The following MBP variants were observed in gnomAD, a reference collection of about 807,000 sequenced individuals.
The protein encoded by MBP is Golli-MBP.
In MBP, 16 loss-of-function variants were observed where a neutral mutation model predicts 35.8. The observed-to-expected ratio is 0.45, with a 90% CI of 0.30 to 0.68. The LOEUF is 0.68. Ranked by LOEUF, MBP falls within the 30% of genes least tolerant of loss-of-function variation. The pLI is 0.08. For missense variants in MBP, 380 were observed against 404.7 expected (o/e 0.94, Z 0.52); for synonymous variants, 143 against 159.6 (o/e 0.90, Z 0.78).
At chr18:77,008,365 C>T (rs1485629592) in intron 4 of MBP, among the ~76,000 whole-genome samples, 2 of 152,126 alleles carry the variant, frequency 1.3e-5, no homozygotes, top group Admixed American at 6.5e-5. Flanking sequence ...CCCAGAAGGA[C>T]GGGGGACCCT....
chr18:77,085,789 A>G (rs1439330098), intron 2 of MBP, among the ~76,000 whole-genome samples: 1 of 151,180 alleles, frequency 6.6e-6, no homozygotes, highest in Admixed American at 6.6e-5. Flanking sequence ...GTTTCAAGCA[A>G]TTCTCCTGCC....
rs562770600 is a variant in MBP, at chr18:77,101,915, T to C, written c.51+3296A>G. ...TTTATGTGAAAAAGAAGTTAGGAAATAGGTATGATTCATTTACTCTTTCGA... is the reference window on the plus strand; with the variant it reads ...TTTATGTGAAAAAGAAGTTAGGAAACAGGTATGATTCATTTACTCTTTCGA... On this transcript the variant is annotated intron_variant, in intron 2 of 8. Transcript: ENST00000355994. This position sits in a 1 kb window ranked among gnomAD's most constrained non-coding sequence, Gnocchi z 4.3. Among the ~76,000 whole-genome samples the C allele has an allele frequency of 6.6e-6, 1 of 152,226 alleles. No homozygotes were observed. Among genetic ancestry groups the C allele is most frequent in the South Asian group, 2.1e-4 (1 of 4,814 alleles).
chr18:76,987,367 T>G, intron 7 of MBP: 4 of 985,474 alleles, frequency 4.1e-6, no homozygotes, highest in Non-Finnish European at 4.8e-6. Context: ...GCAAATTCAT[T>G]AGGTCAGAAA....
At chr18:77,023,273 C>A (rs933722238) in intron 3 of MBP, among the ~76,000 whole-genome samples, 1 of 152,170 alleles carries the variant, frequency 6.6e-6, no homozygotes, top group Non-Finnish European at 1.5e-5. Flanking sequence ...GCGTCATGAC[C>A]TGAGGAAGCT....
intron 4 of MBP, among the ~76,000 whole-genome samples, chr18:76,993,586 T>G (rs1468758783): frequency 6.6e-6 from 1 of 151,706 alleles, no homozygotes; most frequent in African/African-American, 2.4e-5. Flanking sequence ...TCCCATTTTA[T>G]CCCTTGGATT....
At chr18:77,083,946 G>C (rs1280271807) in intron 2 of MBP, among the ~76,000 whole-genome samples, 1 of 152,212 alleles carries the variant, frequency 6.6e-6, no homozygotes, top group East Asian at 1.9e-4. Context: ...CAGTAAACAA[G>C]ACTGCATTGT....
chr18:76,980,645 T>G (rs901213921), intron 8 of MBP, 174 bp from the exon 9 acceptor site: 5 of 599,326 alleles, frequency 8.3e-6, no homozygotes, highest in Non-Finnish European at 1.5e-5. Flanking sequence ...CCGACCTCCC[T>G]CAGCAAATGC....
chr18:76,980,182 G>T lies in MBP; in HGVS notation c.*245C>A. ...GTGCGTCTGGGGGCACATTGCGGGG[G>T]AAGGAACGTGATCTTCACACAGAAA... is the stretch of plus-strand genomic sequence containing the variant. On this transcript the variant is annotated 3_prime_UTR_variant, in exon 9 of 9. Coordinates refer to ENST00000355994, the MANE Select transcript of MBP (RefSeq NM_001025101.2). 9.5e-6 allele frequency: 6 copies of T among 634,756 alleles called. No individual in the cohort carries two copies. The highest frequency in any genetic ancestry group is 1.7e-5 in the Non-Finnish European group (6 of 354,806). 39.3% of individuals were successfully genotyped at this position (634,756 alleles called of 1,614,324 possible). A position where few individuals can be genotyped will look rare whatever the true frequency, so the allele number is the denominator to read the frequency against.
chr18:77,004,430 AT>A (rs1970803222), intron 4 of MBP: 1 of 152,114 alleles, frequency 6.6e-6, no homozygotes, highest in Non-Finnish European at 1.5e-5. Flanking sequence ...TTCTGTCTGA[AT>A]GACAGATGCA....
In MBP at chr18:76,989,815, G is replaced by A; in HGVS notation, c.681+141C>T. On this transcript the variant is annotated intron_variant, in intron 5 of 8. Transcript: ENST00000355994. This position sits in a 1 kb window ranked among gnomAD's most constrained non-coding sequence, Gnocchi z 4.0. Reference sequence around the variant, plus strand: ...GGAACTCGCGATCAGGTGCGAGGGGGGAGTTCCCCGGCCGGCCTCACCCTG... The same window carrying A: ...GGAACTCGCGATCAGGTGCGAGGGGAGAGTTCCCCGGCCGGCCTCACCCTG... 10 of 674,822 alleles carry A rather than the reference G, an allele frequency of 1.5e-5. No homozygotes were observed. The highest frequency in any genetic ancestry group is 2.6e-5 in the Non-Finnish European group (10 of 380,262). 41.8% of individuals were successfully genotyped at this position (674,822 alleles called of 1,614,324 possible). A position where few individuals can be genotyped will look rare whatever the true frequency, so the allele number is the denominator to read the frequency against.
Position 76,985,146 on chromosome 18 carries a change from A to G in MBP, c.751-252T>C, listed in dbSNP as rs559797751. 4 of 1,531,122 alleles carry G rather than the reference A, an allele frequency of 2.6e-6. No individual in the cohort carries two copies. In the South Asian group the frequency reaches 3.5e-5, roughly 13 times the overall value. 94.8% of individuals were successfully genotyped at this position (1,531,122 alleles called of 1,614,324 possible). The stretch of plus-strand genomic sequence containing the variant: ...TTGGGCGGAGGCTCTCTCATGAGAT[A>G]TGCGGCCCAACCACACATATTTTAA... On this transcript the variant is annotated intron_variant, in intron 7 of 8. Transcript: ENST00000355994.
At chr18:77,059,584 G>T (rs1026313775) in intron 3 of MBP, among the ~76,000 whole-genome samples, 5 of 151,678 alleles carry the variant, frequency 3.3e-5, no homozygotes, top group African/African-American at 1.2e-4. Flanking sequence ...TGACATATGT[G>T]TAACACTATA....
At chr18:77,107,106 G>A (rs1285176805) in intron 1 of MBP, among the ~76,000 whole-genome samples, 1 of 152,172 alleles carries the variant, frequency 6.6e-6, no homozygotes, top group East Asian at 1.9e-4. Context: ...TAAATATTAA[G>A]AGCTTGCAGG....
At chr18:77,000,482 C>G (rs917333131) in intron 4 of MBP, among the ~76,000 whole-genome samples, 1 of 152,214 alleles carries the variant, frequency 6.6e-6, no homozygotes, top group Non-Finnish European at 1.5e-5. Flanking sequence ...ATAAAAATAA[C>G]TTGCTGAAAA....
intron 4 of MBP, chr18:77,003,683 A>T (rs1970756847): frequency 6.6e-6 from 1 of 152,208 alleles, no homozygotes; most frequent in Non-Finnish European, 1.5e-5. Flanking sequence ...TTTTTGAATT[A>T]GGAATCGTAA....
At chr18:76,993,627 A>G (rs1970097547) in intron 4 of MBP, among the ~76,000 whole-genome samples, 1 of 151,292 alleles carries the variant, frequency 6.6e-6, no homozygotes, top group African/African-American at 2.4e-5. Context: ...ATATTTTCCT[A>G]GTTGTTTTTC....
intron 4 of MBP, chr18:77,016,197 A>G (rs1008217854): frequency 2.0e-6 from 2 of 983,730 alleles, no homozygotes; most frequent in Non-Finnish European, 2.4e-6. Context: ...TTGCTTTTGA[A>G]TAAAGAAACT....
intron 8 of MBP, chr18:76,984,411 A>C: frequency 3.9e-6 from 1 of 258,088 alleles, no homozygotes; most frequent in Non-Finnish European, 7.7e-6. Flanking sequence ...TCCCCCCGAC[A>C]CCCACGTCTG....
intron 3 of MBP, among the ~76,000 whole-genome samples, chr18:77,048,620 C>T (rs944864017): frequency 8.6e-4 from 131 of 152,114 alleles, no homozygotes; most frequent in African/African-American, 4.3e-4. Context: ...CCCGCCACCA[C>T]GGCCGGCTAA....
Sources: allele counts gnomAD v4.1 joint callset (sites outside exome capture counted in the v4.1 genomes callset), GRCh38; gene constraint gnomAD v4.1.1; non-coding constraint Gnocchi (gnomAD v3.1); transcripts MANE v1.5; gene names NCBI Gene and HGNC (gene_info 2026-07-23, HGNC 2026-07-21).